Variants in CCDC88C observed in about 807,000 individuals in gnomAD.
The protein encoded by CCDC88C is coiled-coil and HOOK domain protein 88C.
A neutral mutation model predicts 198.8 loss-of-function variants in CCDC88C; 131 were observed. The observed-to-expected ratio is 0.66, with a 90% CI of 0.57 to 0.76. The LOEUF is 0.76. Among genes scored for constraint, CCDC88C ranks in the 30% least tolerant of loss-of-function variants. The pLI, the probability that CCDC88C is intolerant of heterozygous loss-of-function variation, is 0.00. For missense variants in CCDC88C, 2,553 were observed against 2,631.6 expected (o/e 0.97, Z 0.65); for synonymous variants, 1,166 against 1,114.7 (o/e 1.05, Z -0.92).
At chr14:91,408,496 C>G in intron 3 of CCDC88C, 163 bp downstream of exon 3, 1 of 628,538 alleles carries the variant, frequency 1.6e-6, no homozygotes. Context: ...ATCTCATCCT[C>G]ACACATGCCC....
intron 15 of CCDC88C, among the ~76,000 whole-genome samples, chr14:91,312,210 GA>G (rs1456812933): frequency 4.6e-5 from 7 of 152,020 alleles, no homozygotes; most frequent in African/African-American, 1.7e-4. Context: ...CCAAGATGGC[GA>G]AACCCCACCT....
intron 4 of CCDC88C, among the ~76,000 whole-genome samples, chr14:91,346,927 A>T (rs534201121): frequency 6.6e-6 from 1 of 152,324 alleles, no homozygotes; most frequent in South Asian, 2.1e-4. Context: ...GGGAATGCCC[A>T]CATGAGTGTT....
At position 91,372,317 on chromosome 14, in the gene CCDC88C, G is replaced by A. The variant is rs543055534; in HGVS notation, c.271-12606C>T. 4.6e-5 allele frequency among the ~76,000 whole-genome samples: 7 copies of A among 151,946 alleles called. No homozygotes were observed. The South Asian group carries it at 1.3e-3, about 27-fold the overall frequency. On this transcript the variant is annotated intron_variant, in intron 3 of 29. Coordinates refer to ENST00000389857, the MANE Select transcript of CCDC88C (RefSeq NM_001080414.4). The stretch of plus-strand genomic sequence containing the variant: ...GCCCAGGGTGTTTGCTATAGGGCCA[G>A]GCCCTGTCCTGGGGAGCTCACAGCC...
intron 22 of CCDC88C, among the ~76,000 whole-genome samples, chr14:91,297,011 T>C (rs895266457): frequency 6.6e-6 from 1 of 152,160 alleles, no homozygotes; most frequent in African/African-American, 2.4e-5. Context: ...GAAGACAGTA[T>C]AGACACAGCT....
Position 91,417,808 on chromosome 14 carries a change from G to A in CCDC88C, c.-118C>T, listed in dbSNP as rs1887152323. The A allele has an allele frequency of 7.7e-6, 4 of 519,704 alleles. No individual in the cohort carries two copies. Among genetic ancestry groups the A allele is most frequent in the African/African-American group, 4.1e-5 (2 of 48,552 alleles). 32.2% of individuals were successfully genotyped at this position (519,704 alleles called of 1,614,324 possible). On this transcript the variant is annotated 5_prime_UTR_variant, in exon 1 of 30. Transcript: ENST00000389857. ...CGCGGGGCTGCGGCGGCTCGCGCCC[G>A]GGAGACAAAGGCGGGGCGCGCGAGC...
chr14:91,386,613 G>T (rs1233919697), intron 3 of CCDC88C, among the ~76,000 whole-genome samples: 1 of 152,262 alleles, frequency 6.6e-6, no homozygotes, highest in African/African-American at 2.4e-5. Context: ...GAAGCTGACA[G>T]TCTCCATGCT....
chr14:91,297,350 G>A lies in CCDC88C; in HGVS notation c.3921C>T (p.His1307=), dbSNP rs756737205. 1.3e-5 allele frequency: 21 copies of A among 1,613,646 alleles called. No homozygotes were observed. In the African/African-American group the frequency reaches 1.3e-4, roughly 10 times the overall value. ...QARFDELKEQ[H]QTMDISLTKL... ...TGGTCAGCGAGATGTCCATGGTCTG[G>A]TGCTGCTCCTTCAGCTCGTCGAAGC... is the stretch of plus-strand genomic sequence containing the variant. The change falls in exon 22 of 30, where the codon CAC becomes CAT. Residue 1307 remains histidine (H), a synonymous_variant. Transcript: ENST00000389857.
At chr14:91,408,789 T>G (rs765056924) in intron 2 of CCDC88C, 22 bp from the exon 3 acceptor site, 4 of 1,526,168 alleles carry the variant, frequency 2.6e-6, no homozygotes, top group Non-Finnish European at 3.6e-6. Context: ...AACACGAGAA[T>G]GGAAATTGCA....
intron 24 of CCDC88C, 119 bp from the exon 25 acceptor site, chr14:91,289,462 G>A (rs1379602774): frequency 1.2e-5 from 10 of 857,188 alleles, no homozygotes; most frequent in African/African-American, 3.3e-5. Flanking sequence ...GGCCACTCAC[G>A]TGGGGTTCAG....
At chr14:91,346,598 T>G (rs1360373962) in intron 4 of CCDC88C, among the ~76,000 whole-genome samples, 2 of 152,164 alleles carry the variant, frequency 1.3e-5, no homozygotes, top group Non-Finnish European at 2.9e-5. Context: ...AGCCACTTAA[T>G]TTTAGTTTCG....
Position 91,339,763 on chromosome 14 carries a change from C to T in CCDC88C, c.624+121G>A. 1 of 1,230,878 alleles carries T rather than the reference C, an allele frequency of 8.1e-7. No individual in the cohort carries two copies. The highest frequency in any genetic ancestry group is 1.1e-6 in the Non-Finnish European group (1 of 910,732). The allele number at this position is 1,230,878 out of a possible 1,614,324, so 76.2% of individuals were successfully genotyped here. A position where few individuals can be genotyped will look rare whatever the true frequency, so the allele number is the denominator to read the frequency against. On this transcript the variant is annotated intron_variant, in intron 7 of 29. Transcript: ENST00000389857. The surrounding 1 kb of genome is among the most constrained non-coding windows in gnomAD (Gnocchi z 5.8). Reference sequence around the variant, plus strand: ...CCGTAACCAGGGAAAGCACGCACGTCCCACCCCCACCAGAACCTCAGCAGC... The same window carrying T: ...CCGTAACCAGGGAAAGCACGCACGTTCCACCCCCACCAGAACCTCAGCAGC...
In CCDC88C at chr14:91,272,686, G is replaced by A. The variant is rs201940261; in HGVS notation, c.6026C>T (p.Pro2009Leu). 1,753 of 1,611,648 alleles carry A rather than the reference G, an allele frequency of 1.1e-3. 3 individuals are homozygous for A. The highest frequency in any genetic ancestry group is 1.4e-3 in the Non-Finnish European group (1,609 of 1,179,858). The stretch of plus-strand genomic sequence containing the variant: ...ATCCCCGCCGGGCTCCGGGGAGGCC[G>A]GACTGCTCTTTGAGACGCTCCCTCG... Reference protein sequence around the residue: ...CSRGSVSKSSPASPEPGGDPQ... With the variant: ...CSRGSVSKSSLASPEPGGDPQ... Residue 2009 changes from proline to leucine, a missense_variant, in exon 30 of 30, where the codon CCG becomes CTG. Coordinates refer to ENST00000389857, the MANE Select transcript of CCDC88C (RefSeq NM_001080414.4).
At chr14:91,282,916 C>T (rs2139727967) in intron 26 of CCDC88C, among the ~76,000 whole-genome samples, 1 of 152,352 alleles carries the variant, frequency 6.6e-6, no homozygotes, top group South Asian at 2.1e-4. Flanking sequence ...TTAAAATACA[C>T]ATACACACAC....
At chr14:91,282,956 C>T (rs1263334900) in intron 26 of CCDC88C, among the ~76,000 whole-genome samples, 4 of 152,216 alleles carry the variant, frequency 2.6e-5, no homozygotes, top group East Asian at 1.9e-4. Context: ...TATCTTCTCT[C>T]GAGAAAAAAA....
At chr14:91,294,048 C>T in intron 23 of CCDC88C, 125 bp downstream of exon 23, 2 of 1,036,320 alleles carry the variant, frequency 1.9e-6, no homozygotes, top group Non-Finnish European at 1.5e-6. Context: ...TCGGTCTGTG[C>T]CCTGCCCTCA....
In CCDC88C at chr14:91,339,082, GC is replaced by G. The variant is rs1022611844; in HGVS notation, c.809+195del. On this transcript the variant is annotated intron_variant, in intron 8 of 29. Transcript: ENST00000389857. The surrounding 1 kb of genome is among the most constrained non-coding windows in gnomAD (Gnocchi z 5.8). ...ACCCTGAAGACCGGGAAGAATCCCC[GC>G]CCCCATCCCTGTGCAGGCCTCAGAA... The G allele has an allele frequency of 1.3e-4, 92 of 684,506 alleles. No individual in the cohort carries two copies. The highest frequency in any genetic ancestry group is 1.9e-4 in the Admixed American group (9 of 47,800). The allele number at this position is 684,506 out of a possible 1,614,324, so 42.4% of individuals were successfully genotyped here. A position where few individuals can be genotyped will look rare whatever the true frequency, so the allele number is the denominator to read the frequency against.
Position 91,272,978 on chromosome 14 carries a change from C to A in CCDC88C, c.5734G>T (p.Gly1912Cys). Residue 1912 changes from glycine (G) to cysteine (C), a missense_variant, in exon 30 of 30, where the codon GGT becomes TGT. This residue lies in a region of CCDC88C where 1,293 missense variants were observed against 1,219.6 expected (regional missense o/e 1.06). Transcript: ENST00000389857. Reference sequence around the variant, plus strand: ...CTGCCAGCAGCAGCAGCACCAGCACCTGCAGTGGCAATGGCGGGGGCTGTG... The same window carrying A: ...CTGCCAGCAGCAGCAGCACCAGCACATGCAGTGGCAATGGCGGGGGCTGTG... ...SATAPAIATA[G>C]AGAAAAGSGS... The A allele has an allele frequency of 6.4e-7, 1 of 1,557,314 alleles. No homozygotes were observed. The highest frequency in any genetic ancestry group is 8.6e-7 in the Non-Finnish European group (1 of 1,156,968).
intron 24 of CCDC88C, among the ~76,000 whole-genome samples, chr14:91,290,470 G>A (rs1890613375): frequency 6.6e-6 from 1 of 152,244 alleles, no homozygotes; most frequent in South Asian, 2.1e-4. Context: ...AGCACTGCTA[G>A]GGTGGGCCAG....
intron 3 of CCDC88C, among the ~76,000 whole-genome samples, chr14:91,375,153 G>A (rs1392259371): frequency 1.3e-5 from 2 of 152,114 alleles, no homozygotes; most frequent in Non-Finnish European, 2.9e-5. Context: ...GGGCGGTCTC[G>A]CTCCCCAGGG....
Sources: allele counts gnomAD v4.1 joint callset (sites outside exome capture counted in the v4.1 genomes callset), GRCh38; gene constraint gnomAD v4.1.1; regional missense constraint gnomAD v4.1.1; non-coding constraint Gnocchi (gnomAD v3.1); transcripts MANE v1.5; gene names NCBI Gene and HGNC (gene_info 2026-07-23, HGNC 2026-07-21).